QKI: variants seen among roughly 807,000 people sequenced by gnomAD.
QKI encodes QKI, KH domain containing RNA binding, also known as KH domain-containing RNA-binding protein QKI.
In QKI, 10 loss-of-function variants were observed where a neutral mutation model predicts 39.0. That is an observed-to-expected ratio of 0.26 (90% CI 0.16 to 0.43). QKI has a LOEUF of 0.43. Among genes scored for constraint, QKI ranks in the 20% least tolerant of loss-of-function variants. QKI has a pLI of 1.00. For missense variants in QKI, 218 were observed against 428.0 expected (o/e 0.51, Z 4.33); for synonymous variants, 204 against 155.4 (o/e 1.31, Z -2.33).
intron 3 of QKI, among the ~76,000 whole-genome samples, chr6:163,509,987 G>T (rs975015946): frequency 6.6e-6 from 1 of 151,972 alleles, no homozygotes; most frequent in Non-Finnish European, 1.5e-5. Flanking sequence ...GCCAAGATGG[G>T]CCAATTGCCC....
At position 163,481,249 on chromosome 6, in the gene QKI, A is replaced by G. The variant is rs114699116; in HGVS notation, c.402+2353A>G. On this transcript the variant is annotated intron_variant, in intron 3 of 7. Transcript: ENST00000361752. ...TATATAGACATGTGTGTATATATATATATGTGTGTGCGTATATATATAATG... is the reference window on the plus strand; with the variant it reads ...TATATAGACATGTGTGTATATATATGTATGTGTGTGCGTATATATATAATG... Among the ~76,000 whole-genome samples, 436 of 152,322 alleles carry G rather than the reference A, an allele frequency of 2.9e-3. 2 individuals are homozygous for G. The highest frequency in any genetic ancestry group is 9.7e-3 in the African/African-American group (404 of 41,558).
intron 2 of QKI, among the ~76,000 whole-genome samples, chr6:163,473,576 T>C (rs1026219873): frequency 6.6e-6 from 1 of 152,184 alleles, no homozygotes; most frequent in Admixed American, 6.5e-5. Context: ...TCAGATCTTA[T>C]TGGTATTAAA....
At chr6:163,456,240 C>G (rs953893198) in intron 2 of QKI, among the ~76,000 whole-genome samples, 1 of 152,118 alleles carries the variant, frequency 6.6e-6, no homozygotes, top group South Asian at 2.1e-4. Flanking sequence ...CTCACTGTTT[C>G]ACGTTGTCTT....
intron 1 of QKI, among the ~76,000 whole-genome samples, chr6:163,426,824 T>C (rs1241569853): frequency 3.3e-5 from 5 of 152,236 alleles, no homozygotes; most frequent in Admixed American, 6.5e-5. Flanking sequence ...TGCTAGTTGC[T>C]TCAAATGGAG....
At chr6:163,547,204 C>T (rs1037362265) in intron 4 of QKI, among the ~76,000 whole-genome samples, 1 of 152,030 alleles carries the variant, frequency 6.6e-6, no homozygotes, top group African/African-American at 2.4e-5. Context: ...TTCTTTCAAG[C>T]GTTGAACGAC....
chr6:163,547,950 T>C (rs1781992347), intron 4 of QKI, among the ~76,000 whole-genome samples: 1 of 152,186 alleles, frequency 6.6e-6, no homozygotes, highest in Admixed American at 6.5e-5. Context: ...TCATAGCTTA[T>C]CTTCATCTAA....
At chr6:163,497,912 A>G (rs977053226) in intron 3 of QKI, among the ~76,000 whole-genome samples, 4 of 152,124 alleles carry the variant, frequency 2.6e-5, no homozygotes, top group Non-Finnish European at 4.4e-5. Context: ...CACTAGTGTC[A>G]TTCTTAAATC....
intron 3 of QKI, among the ~76,000 whole-genome samples, chr6:163,503,167 A>T: frequency 8.3e-6 from 1 of 120,638 alleles, no homozygotes; most frequent in Non-Finnish European, 1.6e-5. Context: ...TTTTGAGAAG[A>T]CACTTCTCAA....
Position 163,446,672 on chromosome 6 carries a change from A to G in QKI, c.143-8607A>G, listed in dbSNP as rs542715339. 8.5e-5 allele frequency among the ~76,000 whole-genome samples: 13 copies of G among 152,338 alleles called. No individual in the cohort carries two copies. The Middle Eastern group carries it at 0.017, about 199-fold the overall frequency. ...AAATAATAGTTAAATATTAACGTGT[A>G]AAAGTAAACAGGTTTAAAAGTAAAC... On this transcript the variant is annotated intron_variant, in intron 1 of 7. Coordinates refer to ENST00000361752, the MANE Select transcript of QKI (RefSeq NM_006775.3).
intron 2 of QKI, among the ~76,000 whole-genome samples, chr6:163,469,492 TAAAG>T (rs1453375408): frequency 6.6e-6 from 1 of 152,164 alleles, no homozygotes; most frequent in Non-Finnish European, 1.5e-5. Flanking sequence ...CAAGGTTACT[TAAAG>T]AAATAGCCAA....
chr6:163,420,757 A>G (rs1222766873), intron 1 of QKI, among the ~76,000 whole-genome samples: 3 of 152,140 alleles, frequency 2.0e-5, no homozygotes, highest in African/African-American at 7.2e-5. Context: ...TTTTACAGTT[A>G]TATTTTTTAC....
chr6:163,462,265 A>T (rs954196112), intron 2 of QKI, among the ~76,000 whole-genome samples: 4 of 152,108 alleles, frequency 2.6e-5, no homozygotes, highest in African/African-American at 7.2e-5. Context: ...CAGAAAACAT[A>T]TTTTATGTCT....
intron 3 of QKI, among the ~76,000 whole-genome samples, chr6:163,486,819 T>G (rs1340128626): frequency 6.6e-6 from 1 of 152,176 alleles, no homozygotes; most frequent in African/African-American, 2.4e-5. Flanking sequence ...ATTTTTTTCC[T>G]GCAACTCTGT....
chr6:163,443,483 C>CT (rs1180789476), intron 1 of QKI, among the ~76,000 whole-genome samples: 3 of 152,312 alleles, frequency 2.0e-5, no homozygotes, highest in African/African-American at 7.2e-5. Context: ...CAGATAATGG[C>CT]TTGAATCCGG....
intron 3 of QKI, among the ~76,000 whole-genome samples, chr6:163,515,110 C>G (rs868136418): frequency 3.3e-5 from 5 of 151,888 alleles, no homozygotes; most frequent in Admixed American, 6.6e-5. Flanking sequence ...GGCAGAAAAC[C>G]TGAATTAAAA....
chr6:163,473,464 C>T (rs1792353826), intron 2 of QKI, among the ~76,000 whole-genome samples: 1 of 152,112 alleles, frequency 6.6e-6, no homozygotes, highest in Non-Finnish European at 1.5e-5. Context: ...ATCAGTCTAC[C>T]TCAGTCAACA....
intron 1 of QKI, among the ~76,000 whole-genome samples, chr6:163,419,511 CT>C (rs1787820818): frequency 6.6e-6 from 1 of 152,096 alleles, no homozygotes; most frequent in Non-Finnish European, 1.5e-5. Context: ...TAAGATATTG[CT>C]TTTGTACACA....
chr6:163,475,259 C>T (rs1792497317), intron 2 of QKI, among the ~76,000 whole-genome samples: 1 of 152,150 alleles, frequency 6.6e-6, no homozygotes, highest in Non-Finnish European at 1.5e-5. Context: ...GGTTCCACAT[C>T]TGTGGATTCA....
At chr6:163,422,663 A>C (rs572909792) in intron 1 of QKI, among the ~76,000 whole-genome samples, 4 of 152,296 alleles carry the variant, frequency 2.6e-5, no homozygotes, top group African/African-American at 9.6e-5. Flanking sequence ...AGTAAAGGGC[A>C]TGTGTGTGCA....
Sources: allele counts gnomAD v4.1 joint callset (sites outside exome capture counted in the v4.1 genomes callset), GRCh38; gene constraint gnomAD v4.1.1; transcripts MANE v1.5; gene names NCBI Gene and HGNC (gene_info 2026-07-23, HGNC 2026-07-21).